CUX1: variants seen among roughly 807,000 people sequenced by gnomAD.
CUX1 encodes the protein protein CASP.
In CUX1, 31 loss-of-function variants were observed where a neutral mutation model predicts 158.8. The ratio of observed to expected loss-of-function variants is 0.20; its 90% CI spans 0.15 to 0.26. The LOEUF (loss-of-function observed/expected upper bound fraction) is 0.26, where lower values mean the gene tolerates loss of function less well. Ranked by LOEUF, CUX1 falls within the 10% of genes least tolerant of loss-of-function variation. The probability of loss-of-function intolerance (pLI) is 1.00; values close to 1 mark genes in which losing one functional copy is unlikely to be tolerated. For synonymous variants in CUX1, 879 were observed against 862.1 expected (o/e 1.02, Z -0.34); for missense variants, 1,589 against 2,014.6 (o/e 0.79, Z 4.04).
chr7:102,038,507 C>T (rs1821700847), intron 3 of CUX1, among the ~76,000 whole-genome samples: 1 of 152,162 alleles, frequency 6.6e-6, no homozygotes, highest in Non-Finnish European at 1.5e-5. Flanking sequence ...AACTCATCTG[C>T]AAGTTATTCC....
intron 23 of CUX1, among the ~76,000 whole-genome samples, chr7:102,240,959 T>A (rs1800140044): frequency 6.6e-6 from 1 of 152,158 alleles, no homozygotes; most frequent in African/African-American, 2.4e-5. Context: ...TGGCTGAGAC[T>A]ACAGGTGTGC....
In CUX1 at chr7:102,111,960, CTT is replaced by C. The variant is rs551867140; in HGVS notation, c.607+188_607+189del. On this transcript the variant is annotated intron_variant, in intron 7 of 23. Coordinates refer to ENST00000292535, the MANE Select transcript of CUX1 (RefSeq NM_181552.4). ...GCTGCTGCGCCTCATTCCTCACTGA[CTT>C]TGAGTTGTTAATGTAGAGGTGGGAG... The C allele has an allele frequency of 1.9e-4, 107 of 575,926 alleles. No individual in the cohort carries two copies. In the East Asian group the frequency reaches 2.5e-3, roughly 13 times the overall value. 35.7% of individuals were successfully genotyped at this position (575,926 alleles called of 1,614,324 possible). A position where few individuals can be genotyped will look rare whatever the true frequency, so the allele number is the denominator to read the frequency against.
chr7:102,059,268 C>T (rs1248709150), intron 3 of CUX1, among the ~76,000 whole-genome samples: 1 of 152,174 alleles, frequency 6.6e-6, no homozygotes, highest in Non-Finnish European at 1.5e-5. Context: ...CACAAATCTC[C>T]TCTATGGATC....
At chr7:102,007,507 C>T (rs1006266039) in intron 2 of CUX1, among the ~76,000 whole-genome samples, 1 of 151,794 alleles carries the variant, frequency 6.6e-6, no homozygotes, top group African/African-American at 2.4e-5. Context: ...CGGGTATTTC[C>T]CACGTGGATT....
intron 14 of CUX1, 99 bp downstream of exon 14, chr7:102,195,702 GCCAGAGAAGCGCCGGTTGA>G: frequency 2.8e-6 from 3 of 1,063,332 alleles, no homozygotes; most frequent in Non-Finnish European, 4.0e-6. Flanking sequence ...CAGATGCATG[GCCAGAGAAGCGCCGGTTGA>G]CGAGAACCTT....
chr7:102,256,853 G>A lies in CUX1; in HGVS notation c.*7811G>A, dbSNP rs1789950936. On this transcript the variant is annotated 3_prime_UTR_variant, in exon 24 of 24. Coordinates refer to ENST00000292535, the MANE Select transcript of CUX1 (RefSeq NM_181552.4). ...TTGCAAGGCCCGCATGGGTTGATACGTTTTGGTTGGTTTTTTGTTGTTGTT... is the reference window on the plus strand; with the variant it reads ...TTGCAAGGCCCGCATGGGTTGATACATTTTGGTTGGTTTTTTGTTGTTGTT... The A allele has an allele frequency of 6.1e-6, 6 of 985,444 alleles. No individual in the cohort carries two copies. Among genetic ancestry groups the A allele is most frequent in the Non-Finnish European group, 7.2e-6 (6 of 829,960 alleles). 61.0% of individuals were successfully genotyped at this position (985,444 alleles called of 1,614,324 possible).
At chr7:101,934,531 C>G (rs1806691299) in intron 2 of CUX1, among the ~76,000 whole-genome samples, 1 of 152,196 alleles carries the variant, frequency 6.6e-6, no homozygotes, top group Non-Finnish European at 1.5e-5. Context: ...TTTCACGAAT[C>G]TGACTTTTAA....
At position 101,958,026 on chromosome 7, in the gene CUX1, G is replaced by A. The variant is rs1809980805; in HGVS notation, c.141+41801G>A. On this transcript the variant is annotated intron_variant, in intron 2 of 23. Coordinates refer to ENST00000292535, the MANE Select transcript of CUX1 (RefSeq NM_181552.4). ...TCTCTGGTACCCATCTCATGGAGCT[G>A]CTAAAGTGATTAAATGAGACAAAAG... Among the ~76,000 whole-genome samples, 4 of 152,178 alleles carry A rather than the reference G, an allele frequency of 2.6e-5. No homozygotes were observed. In the South Asian group the frequency reaches 8.3e-4, roughly 31 times the overall value.
chr7:102,093,157 C>CT lies in CUX1; in HGVS notation c.269-4191dup, dbSNP rs34712960. 1.7e-3 allele frequency among the ~76,000 whole-genome samples: 200 copies of CT among 120,732 alleles called. 1 individual carries two copies. The East Asian group carries it at 0.031, about 19-fold the overall frequency. The allele number at this position is 120,732 out of a possible 152,430, so 79.2% of individuals were successfully genotyped here. On this transcript the variant is annotated intron_variant, in intron 4 of 23. Transcript: ENST00000292535. Reference sequence around the variant, plus strand: ...TGGCTGCTGGTTAAGAAAACAGAAGCTTTTTTTTTTTTTTTTCTGAGACAG... The same window carrying CT: ...TGGCTGCTGGTTAAGAAAACAGAAGCTTTTTTTTTTTTTTTTTCTGAGACAG...
Position 102,253,653 on chromosome 7 carries a change from A to G in CUX1, c.*4611A>G, listed in dbSNP as rs184570395. On this transcript the variant is annotated 3_prime_UTR_variant, in exon 24 of 24. Transcript: ENST00000292535. ...CTGGGAGTCACACAAAAGCAGAGAG[A>G]TTTTGAACTGAGGGGCGACAGCCTT... The G allele has an allele frequency of 2.0e-6, 2 of 984,130 alleles. No homozygotes were observed. Among genetic ancestry groups the G allele is most frequent in the Non-Finnish European group, 2.4e-6 (2 of 829,796 alleles). 61.0% of individuals were successfully genotyped at this position (984,130 alleles called of 1,614,324 possible).
At chr7:101,914,073 C>A (rs1370644995) in intron 1 of CUX1, among the ~76,000 whole-genome samples, 3 of 151,752 alleles carry the variant, frequency 2.0e-5, no homozygotes, top group Non-Finnish European at 4.4e-5. Flanking sequence ...TTTTTCCCTG[C>A]CTTCCCTTAA....
At chr7:102,246,422 C>T (rs1441010022) in intron 23 of CUX1, among the ~76,000 whole-genome samples, 2 of 152,146 alleles carry the variant, frequency 1.3e-5, no homozygotes, top group Non-Finnish European at 2.9e-5. Context: ...GCTCACTGCA[C>T]GCAGGAATCA....
chr7:101,868,246 T>C (rs1005155323), intron 1 of CUX1, among the ~76,000 whole-genome samples: 14 of 152,206 alleles, frequency 9.2e-5, no homozygotes, highest in African/African-American at 2.7e-4. Context: ...GGACCCGAGT[T>C]TCCTTCTGTA....
intron 20 of CUX1, among the ~76,000 whole-genome samples, chr7:102,209,979 C>G (rs561519662): frequency 2.6e-5 from 4 of 152,310 alleles, no homozygotes; most frequent in African/African-American, 9.6e-5. Flanking sequence ...CTCAATCTCT[C>G]AGGCTCAAAC....
At chr7:102,246,663 A>G (rs2132591657) in intron 23 of CUX1, among the ~76,000 whole-genome samples, 1 of 151,732 alleles carries the variant, frequency 6.6e-6, no homozygotes, top group Admixed American at 6.6e-5. Context: ...TCCACCTCCC[A>G]GGTTCAAGAG....
rs2132635153 is a variant in CUX1, at chr7:102,249,513, A to G, written c.*471A>G. 1.0e-6 allele frequency: 1 copy of G among 985,892 alleles called. No individual in the cohort carries two copies. The highest frequency in any genetic ancestry group is 4.7e-5 in the South Asian group (1 of 21,290). The allele number at this position is 985,892 out of a possible 1,614,324, so 61.1% of individuals were successfully genotyped here. A position where few individuals can be genotyped will look rare whatever the true frequency, so the allele number is the denominator to read the frequency against. ...TTTTATTGCCCTAAGTGATTTCCAC[A>G]GGTTCTGGAATAACTCTTACAGCTT... On this transcript the variant is annotated 3_prime_UTR_variant, in exon 24 of 24. Coordinates refer to ENST00000292535, the MANE Select transcript of CUX1 (RefSeq NM_181552.4).
chr7:102,252,467 A>C lies in CUX1; in HGVS notation c.*3425A>C. On this transcript the variant is annotated 3_prime_UTR_variant, in exon 24 of 24. Coordinates refer to ENST00000292535, the MANE Select transcript of CUX1 (RefSeq NM_181552.4). ...TGGGGGAAACGGTTCCATATAAAAC[A>C]CTAACACTTAATTACAAGCTCCATT... 1.0e-6 allele frequency: 1 copy of C among 985,454 alleles called. No individual in the cohort carries two copies. The highest frequency in any genetic ancestry group is 1.2e-6 in the Non-Finnish European group (1 of 829,932). 61.0% of individuals were successfully genotyped at this position (985,454 alleles called of 1,614,324 possible). A position where few individuals can be genotyped will look rare whatever the true frequency, so the allele number is the denominator to read the frequency against.
rs373437051 is a variant in CUX1, at chr7:102,214,191, A to G, written c.3130+9021A>G. ...TTCCCTTCTCTTACGGATGGAGTAAACCAAGGCTCAGAGATAAAAGGTGAT... is the reference window on the plus strand; with the variant it reads ...TTCCCTTCTCTTACGGATGGAGTAAGCCAAGGCTCAGAGATAAAAGGTGAT... On this transcript the variant is annotated intron_variant, in intron 20 of 23. Transcript: ENST00000292535. Among the ~76,000 whole-genome samples the G allele has an allele frequency of 1.2e-4, 19 of 152,116 alleles. 1 individual carries two copies. The East Asian group carries it at 2.1e-3, about 17-fold the overall frequency.
intron 2 of CUX1, among the ~76,000 whole-genome samples, chr7:101,973,323 ACT>A (rs1563078071): frequency 3.2e-4 from 48 of 151,708 alleles, no homozygotes; most frequent in African/African-American, 1.1e-3. Flanking sequence ...CTCATCTCAC[ACT>A]CACGTTCATC....
Sources: gnomAD v4.1 joint callset for allele counts (sites outside exome capture counted in the v4.1 genomes callset) on GRCh38, gnomAD v4.1.1 for gene constraint, MANE v1.5 for transcripts, NCBI Gene and HGNC (gene_info 2026-07-23, HGNC 2026-07-21) for gene names.